Variants in LRRC4C observed in about 807,000 individuals in gnomAD.
The protein encoded by LRRC4C is leucine rich repeat containing 4C, also known as leucine-rich repeat-containing protein 4C.
A neutral mutation model predicts 33.6 loss-of-function variants in LRRC4C; 5 were observed. The ratio of observed to expected loss-of-function variants is 0.15; its 90% CI spans 0.08 to 0.31. The LOEUF is 0.31. Ranked by LOEUF, LRRC4C falls within the 10% of genes least tolerant of loss-of-function variation. The pLI is 1.00. For synonymous variants in LRRC4C, 329 were observed against 302.0 expected (o/e 1.09, Z -0.93); for missense variants, 560 against 796.7 (o/e 0.70, Z 3.58).
At chr11:40,337,710 C>T (rs754223303) in intron 3 of LRRC4C, among the ~76,000 whole-genome samples, 2 of 152,158 alleles carry the variant, frequency 1.3e-5, no homozygotes, top group East Asian at 1.9e-4. Context: ...CAAGGCCACA[C>T]GTGCATGTGT....
chr11:40,419,776 C>A (rs1950456517), intron 3 of LRRC4C, among the ~76,000 whole-genome samples: 1 of 152,126 alleles, frequency 6.6e-6, no homozygotes, highest in African/African-American at 2.4e-5. Flanking sequence ...ATAGAAGGCA[C>A]AAGGGGCAGG....
chr11:41,423,603 G>C (rs1954943167), intron 1 of LRRC4C, among the ~76,000 whole-genome samples: 1 of 152,010 alleles, frequency 6.6e-6, no homozygotes, highest in Non-Finnish European at 1.5e-5. Flanking sequence ...GATGGTTTGA[G>C]AAAGAAATGG....
intron 2 of LRRC4C, among the ~76,000 whole-genome samples, chr11:40,768,798 T>C (rs1189271990): frequency 6.6e-6 from 1 of 152,044 alleles, no homozygotes; most frequent in Non-Finnish European, 1.5e-5. Context: ...GCCTTCATGA[T>C]AAAAACCTTT....
chr11:40,860,716 C>A (rs1954044211), intron 2 of LRRC4C, among the ~76,000 whole-genome samples: 1 of 150,016 alleles, frequency 6.7e-6, no homozygotes, highest in Non-Finnish European at 1.5e-5. Flanking sequence ...TTCAAGGAAT[C>A]CCATCTGCCT....
intron 3 of LRRC4C, among the ~76,000 whole-genome samples, chr11:40,627,190 T>C (rs1190228386): frequency 6.6e-6 from 1 of 151,444 alleles, no homozygotes; most frequent in African/African-American, 2.4e-5. Flanking sequence ...TAAGGGAAAT[T>C]ATTAAGATAA....
chr11:41,105,256 A>G (rs540175394), intron 1 of LRRC4C, among the ~76,000 whole-genome samples: 9 of 152,062 alleles, frequency 5.9e-5, no homozygotes, highest in Non-Finnish European at 1.3e-4. Context: ...AATATTTCCC[A>G]TAAATCTTTC....
intron 3 of LRRC4C, among the ~76,000 whole-genome samples, chr11:40,397,323 C>T (rs115293203): frequency 0.014 from 2,203 of 152,080 alleles, 47 homozygotes; most frequent in African/African-American, 0.05. Context: ...TTAAGCAAAA[C>T]ATATGGCATG....
chr11:40,517,332 A>G (rs75421958), intron 3 of LRRC4C, among the ~76,000 whole-genome samples: 14,149 of 152,230 alleles, frequency 0.093, 795 homozygotes, highest in Middle Eastern at 0.15. Flanking sequence ...CTGTTTGGCA[A>G]CATTACTCTG....
At chr11:40,611,131 A>G (rs756398501) in intron 3 of LRRC4C, among the ~76,000 whole-genome samples, 2 of 151,964 alleles carry the variant, frequency 1.3e-5, no homozygotes, top group Non-Finnish European at 2.9e-5. Flanking sequence ...AACATATTAC[A>G]AAGGTATGGT....
intron 3 of LRRC4C, among the ~76,000 whole-genome samples, chr11:40,587,996 G>T (rs991589805): frequency 3.3e-5 from 5 of 151,996 alleles, no homozygotes; most frequent in Non-Finnish European, 2.9e-5. Flanking sequence ...CTCATAAAAT[G>T]AGTTAGGGAG....
At chr11:40,256,611 T>A (rs1040997829) in intron 4 of LRRC4C, among the ~76,000 whole-genome samples, 6 of 152,184 alleles carry the variant, frequency 3.9e-5, no homozygotes, top group African/African-American at 1.4e-4. Flanking sequence ...AATTTCTAAA[T>A]CAACCCATCA....
intron 2 of LRRC4C, among the ~76,000 whole-genome samples, chr11:40,918,382 A>G (rs11821913): frequency 6.7e-6 from 1 of 150,360 alleles, no homozygotes; most frequent in Non-Finnish European, 1.5e-5. Context: ...ATATTTATAT[A>G]TTTATATTTA....
intron 1 of LRRC4C, among the ~76,000 whole-genome samples, chr11:41,323,415 T>C (rs968636973): frequency 7.2e-5 from 11 of 152,186 alleles, no homozygotes; most frequent in African/African-American, 2.7e-4. Context: ...ATATTAAAGT[T>C]ACAGGAAGAA....
At chr11:40,391,610 C>T (rs938371607) in intron 3 of LRRC4C, among the ~76,000 whole-genome samples, 6 of 152,136 alleles carry the variant, frequency 3.9e-5, no homozygotes, top group African/African-American at 7.2e-5. Context: ...TTTGAGTCTA[C>T]GTATTCAGCC....
intron 2 of LRRC4C, among the ~76,000 whole-genome samples, chr11:40,803,644 C>T (rs553611465): frequency 2.8e-4 from 43 of 151,946 alleles, no homozygotes; most frequent in Non-Finnish European, 5.1e-4. Flanking sequence ...GAAAGAGTCT[C>T]GCTCTGTCAC....
Position 40,801,316 on chromosome 11 carries a change from A to C in LRRC4C, c.-407+132319T>G, listed in dbSNP as rs1450403762. ...CCCTCCAGCTGGTGTGCCCTTCCTC[A>C]CTATTCTAACCAATATTCAAGGCAC... On this transcript the variant is annotated intron_variant, in intron 2 of 6. Coordinates refer to ENST00000528697, the MANE Select transcript of LRRC4C (RefSeq NM_001258419.2). Among the ~76,000 whole-genome samples, 3 of 152,098 alleles carry C rather than the reference A, an allele frequency of 2.0e-5. No homozygotes were observed. In the East Asian group the frequency reaches 5.8e-4, roughly 29 times the overall value.
chr11:40,348,910 C>G (rs1947257070), intron 3 of LRRC4C, among the ~76,000 whole-genome samples: 1 of 152,126 alleles, frequency 6.6e-6, no homozygotes, highest in South Asian at 2.1e-4. Context: ...GATTTATTGA[C>G]TACTTACTAT....
intron 5 of LRRC4C, among the ~76,000 whole-genome samples, chr11:40,183,350 C>T (rs145597191): frequency 9.1e-4 from 138 of 152,290 alleles, no homozygotes; most frequent in African/African-American, 3.2e-3. Flanking sequence ...ACCACAGAGT[C>T]CCTGTTTGGG....
intron 3 of LRRC4C, among the ~76,000 whole-genome samples, chr11:40,462,868 C>A (rs1453700190): frequency 6.6e-6 from 1 of 151,906 alleles, no homozygotes; most frequent in African/African-American, 2.4e-5. Flanking sequence ...TCCTAAAGAA[C>A]CTAAATGGAT....
Sources: gnomAD v4.1 joint callset for allele counts (sites outside exome capture counted in the v4.1 genomes callset) on GRCh38, gnomAD v4.1.1 for gene constraint, MANE v1.5 for transcripts, NCBI Gene and HGNC (gene_info 2026-07-23, HGNC 2026-07-21) for gene names.